Variants in EXOC4 observed in about 807,000 individuals in gnomAD.
The protein encoded by EXOC4 is SEC8-like 1.
EXOC4 carries 71 observed loss-of-function variants against 107.2 expected under a neutral mutation model. That is an observed-to-expected ratio of 0.66 (90% CI 0.55 to 0.81). EXOC4 has a LOEUF of 0.81. Among genes scored for constraint, EXOC4 ranks in the 30% least tolerant of loss-of-function variants. EXOC4 has a pLI of 0.00. For synonymous variants in EXOC4, 456 were observed against 441.2 expected (o/e 1.03, Z -0.42); for missense variants, 1,108 against 1,189.6 (o/e 0.93, Z 1.01).
intron 17 of EXOC4, among the ~76,000 whole-genome samples, chr7:134,017,678 G>A (rs1399349058): frequency 3.9e-5 from 6 of 152,008 alleles, no homozygotes; most frequent in Middle Eastern, 3.2e-3. Context: ...CCTTGAATGC[G>A]GGTGAGCATG....
At chr7:133,299,344 C>T (rs139844737) in intron 3 of EXOC4, among the ~76,000 whole-genome samples, 31 of 151,998 alleles carry the variant, frequency 2.0e-4, no homozygotes, top group Non-Finnish European at 4.0e-4. Context: ...CAGATACTGC[C>T]GTTCTGTGAG....
intron 4 of EXOC4, among the ~76,000 whole-genome samples, chr7:133,311,332 A>G (rs1794866149): frequency 6.6e-6 from 1 of 152,196 alleles, no homozygotes. Flanking sequence ...TTTTTTAAAG[A>G]AAACAGTGCA....
chr7:133,273,441 C>A (rs1413655063), intron 1 of EXOC4, among the ~76,000 whole-genome samples: 1 of 152,162 alleles, frequency 6.6e-6, no homozygotes, highest in African/African-American at 2.4e-5. Flanking sequence ...TAAATCAAGT[C>A]TTGTGGTTCC....
intron 11 of EXOC4, among the ~76,000 whole-genome samples, chr7:133,841,416 C>T (rs989202086): frequency 6.6e-6 from 1 of 152,110 alleles, no homozygotes; most frequent in African/African-American, 2.4e-5. Flanking sequence ...ACCATGGTTC[C>T]CAGGTTTTTT....
chr7:133,693,157 C>T (rs1311337818), intron 10 of EXOC4, among the ~76,000 whole-genome samples: 2 of 152,130 alleles, frequency 1.3e-5, no homozygotes, highest in South Asian at 2.1e-4. Context: ...GAAGCCAGTC[C>T]GACTCCCAAA....
chr7:133,690,609 G>C (rs1214137996), intron 10 of EXOC4, among the ~76,000 whole-genome samples: 1 of 152,126 alleles, frequency 6.6e-6, no homozygotes, highest in Non-Finnish European at 1.5e-5. Context: ...TCCATGTGGT[G>C]GGAGGAAAAA....
intron 7 of EXOC4, among the ~76,000 whole-genome samples, chr7:133,442,652 A>G (rs962234945): frequency 1.3e-5 from 2 of 152,292 alleles, no homozygotes; most frequent in East Asian, 1.9e-4. Flanking sequence ...AGAGATTTAC[A>G]TATGATCTGG....
intron 13 of EXOC4, among the ~76,000 whole-genome samples, chr7:133,931,722 A>G (rs983113433): frequency 6.6e-6 from 1 of 152,168 alleles, no homozygotes; most frequent in Admixed American, 6.5e-5. Context: ...TTGACCTGTG[A>G]TTAACATCTT....
At chr7:133,478,311 GGA>G (rs745691759) in intron 8 of EXOC4, among the ~76,000 whole-genome samples, 15 of 106,650 alleles carry the variant, frequency 1.4e-4, no homozygotes, top group African/African-American at 2.6e-4. Flanking sequence ...TGTGGTATTG[GGA>G]AAAAAAAAAA....
chr7:133,271,372 C>T (rs181825757), intron 1 of EXOC4, among the ~76,000 whole-genome samples: 41 of 152,318 alleles, frequency 2.7e-4, no homozygotes, highest in African/African-American at 9.1e-4. Context: ...CATTGCTTGG[C>T]ATCATGCATT....
chr7:134,005,580 G>A (rs977494666), intron 16 of EXOC4, among the ~76,000 whole-genome samples: 1 of 152,132 alleles, frequency 6.6e-6, no homozygotes, highest in African/African-American at 2.4e-5. Flanking sequence ...CCTCCAAGGG[G>A]CAGGCAAGGA....
rs142289412 is a variant in EXOC4, at chr7:133,633,380, A to C, written c.1514+3239A>C. ...CCCAATTTGCCAAACTCTTTTTCTAATTGATTACAATAATTATTCTATATT... is the reference window on the plus strand; with the variant it reads ...CCCAATTTGCCAAACTCTTTTTCTACTTGATTACAATAATTATTCTATATT... On this transcript the variant is annotated intron_variant, in intron 10 of 17. Coordinates refer to ENST00000253861, the MANE Select transcript of EXOC4 (RefSeq NM_021807.4). Among the ~76,000 whole-genome samples the C allele has an allele frequency of 5.1e-3, 783 of 152,226 alleles. 5 individuals are homozygous for C. Among genetic ancestry groups the C allele is most frequent in the Middle Eastern group, 0.017 (5 of 294 alleles).
intron 1 of EXOC4, among the ~76,000 whole-genome samples, chr7:133,264,727 A>G: frequency 6.6e-6 from 1 of 152,108 alleles, no homozygotes; most frequent in East Asian, 1.9e-4. Context: ...TTCATAATTC[A>G]CTGGAAGCAT....
intron 7 of EXOC4, among the ~76,000 whole-genome samples, chr7:133,387,687 T>C (rs894822508): frequency 1.1e-4 from 16 of 152,216 alleles, no homozygotes; most frequent in Admixed American, 6.5e-4. Context: ...GGAGAAATTT[T>C]TTCCTTTTTA....
intron 9 of EXOC4, among the ~76,000 whole-genome samples, chr7:133,542,626 G>A (rs1057071475): frequency 6.6e-6 from 1 of 152,080 alleles, no homozygotes; most frequent in Non-Finnish European, 1.5e-5. Context: ...GGTAGCCTTG[G>A]GGGAGAATAG....
At chr7:134,052,034 G>C (rs1468327676) in intron 17 of EXOC4, among the ~76,000 whole-genome samples, 3 of 152,082 alleles carry the variant, frequency 2.0e-5, no homozygotes. Context: ...GTTGGGTTGA[G>C]GATGGAAAAC....
intron 5 of EXOC4, among the ~76,000 whole-genome samples, chr7:133,349,554 C>T (rs1159086744): frequency 1.3e-5 from 2 of 152,022 alleles, no homozygotes; most frequent in Non-Finnish European, 2.9e-5. Context: ...CTTATCCATT[C>T]GTGTGTTGAT....
chr7:133,458,842 A>T (rs1563073780), intron 7 of EXOC4, among the ~76,000 whole-genome samples: 1 of 152,176 alleles, frequency 6.6e-6, no homozygotes, highest in Non-Finnish European at 1.5e-5. Context: ...GTTCTTGTCA[A>T]GGCTGATAGC....
chr7:133,339,699 A>T (rs2150623126), intron 5 of EXOC4, among the ~76,000 whole-genome samples: 1 of 152,246 alleles, frequency 6.6e-6, no homozygotes, highest in African/African-American at 2.4e-5. Flanking sequence ...AGTGTTTTGT[A>T]GTTTTCCTTG....
Sources: allele counts gnomAD v4.1 joint callset (sites outside exome capture counted in the v4.1 genomes callset), GRCh38; gene constraint gnomAD v4.1.1; transcripts MANE v1.5; gene names NCBI Gene and HGNC (gene_info 2026-07-23, HGNC 2026-07-21).